The following BAZ2B variants were observed in gnomAD, a reference collection of about 807,000 sequenced individuals.
BAZ2B encodes bromodomain adjacent to zinc finger domain protein 2B.
A neutral mutation model predicts 246.0 loss-of-function variants in BAZ2B; 91 were observed. That is an observed-to-expected ratio of 0.37 (90% CI 0.31 to 0.44). The LOEUF (loss-of-function observed/expected upper bound fraction) is 0.44, where lower values mean the gene tolerates loss of function less well. BAZ2B is among the 20% of genes least tolerant of loss of function. The probability of loss-of-function intolerance (pLI) is 1.00; values close to 1 mark genes in which losing one functional copy is unlikely to be tolerated. For synonymous variants in BAZ2B, 855 were observed against 860.0 expected (o/e 0.99, Z 0.10); for missense variants, 2,332 against 2,533.7 (o/e 0.92, Z 1.71).
chr2:159,702,815 C>T, the BAZ2B span, among the ~76,000 whole-genome samples: 2 of 152,030 alleles, frequency 1.3e-5, no homozygotes, highest in Admixed American at 1.3e-4. Flanking sequence ...CCGAGGCGGG[C>T]GGATCATGAG....
At chr2:159,608,452 A>C (rs1407645323) in intron 1 of BAZ2B, among the ~76,000 whole-genome samples, 1 of 152,240 alleles carries the variant, frequency 6.6e-6, no homozygotes, top group East Asian at 1.9e-4. Context: ...TTATGTAATG[A>C]GAACCAGAAA....
chr2:159,702,463 G>A, the BAZ2B span, among the ~76,000 whole-genome samples: 1 of 152,032 alleles, frequency 6.6e-6, no homozygotes, highest in Non-Finnish European at 1.5e-5. Context: ...TTTAATTAAT[G>A]ACTCATTCTT....
chr2:159,358,699 C>T (rs898716040), intron 27 of BAZ2B, among the ~76,000 whole-genome samples: 2 of 152,060 alleles, frequency 1.3e-5, no homozygotes, highest in African/African-American at 4.8e-5. Context: ...CAAAATTGAC[C>T]ACATAATTGG....
chr2:159,523,261 G>A (rs1481411143), intron 2 of BAZ2B, among the ~76,000 whole-genome samples: 2 of 152,254 alleles, frequency 1.3e-5, no homozygotes, highest in Non-Finnish European at 2.9e-5. Context: ...AATTAGCCAG[G>A]TGTGTTGGCA....
intron 1 of BAZ2B, among the ~76,000 whole-genome samples, chr2:159,569,361 C>T (rs368242552): frequency 6.6e-6 from 1 of 152,086 alleles, no homozygotes; most frequent in East Asian, 1.9e-4. Context: ...TTTTGCAACA[C>T]GTGCAGATTC....
intron 23 of BAZ2B, among the ~76,000 whole-genome samples, chr2:159,384,077 T>G (rs186947927): frequency 6.6e-6 from 1 of 152,154 alleles, no homozygotes; most frequent in Admixed American, 6.6e-5. Flanking sequence ...TACATACATA[T>G]GCATATACAC....
chr2:159,569,787 T>C (rs1470151012), intron 1 of BAZ2B, among the ~76,000 whole-genome samples: 4 of 151,820 alleles, frequency 2.6e-5, no homozygotes, highest in Non-Finnish European at 5.9e-5. Context: ...ACCACCCCAG[T>C]GCACTCCAGC....
At chr2:159,404,705 A>T in intron 16 of BAZ2B, 144 bp downstream of exon 16, 1 of 676,740 alleles carries the variant, frequency 1.5e-6, no homozygotes, top group Non-Finnish European at 2.3e-6. Context: ...AATTTTAATT[A>T]ATAGAAGATA....
chr2:159,478,416 G>A (rs950399071), intron 3 of BAZ2B, among the ~76,000 whole-genome samples, 159 bp downstream of exon 3: 4 of 152,086 alleles, frequency 2.6e-5, no homozygotes, highest in African/African-American at 4.8e-5. Context: ...CTATCCCAGC[G>A]TAAAATCCTG....
the BAZ2B span, among the ~76,000 whole-genome samples, chr2:159,668,731 TAA>T: frequency 6.6e-6 from 1 of 152,182 alleles, no homozygotes; most frequent in African/African-American, 2.4e-5. Context: ...TCTAGCTTCT[TAA>T]AATCTCAGGT....
chr2:159,511,968 T>C (rs1030380265), intron 2 of BAZ2B, among the ~76,000 whole-genome samples: 2 of 152,154 alleles, frequency 1.3e-5, no homozygotes, highest in African/African-American at 2.4e-5. Flanking sequence ...TGAATACATC[T>C]TTTTTGTTCC....
the BAZ2B span, among the ~76,000 whole-genome samples, chr2:159,671,628 G>A: frequency 3.9e-5 from 6 of 152,076 alleles, no homozygotes; most frequent in African/African-American, 1.4e-4. Context: ...CAATGAATAC[G>A]AACTCTTTCT....
At chr2:159,671,429 T>C in the BAZ2B span, among the ~76,000 whole-genome samples, 196 of 152,338 alleles carry the variant, frequency 1.3e-3, no homozygotes, top group Non-Finnish European at 2.5e-3. Context: ...TAGAAGGTAC[T>C]ACCTCAAATA....
intron 2 of BAZ2B, among the ~76,000 whole-genome samples, chr2:159,542,086 A>G (rs1365338110): frequency 6.6e-6 from 1 of 152,230 alleles, no homozygotes; most frequent in Non-Finnish European, 1.5e-5. Context: ...GGCAGAAGAA[A>G]AGAACCAGTA....
intron 2 of BAZ2B, among the ~76,000 whole-genome samples, chr2:159,485,217 T>C (rs1331293944): frequency 6.6e-6 from 1 of 152,140 alleles, no homozygotes; most frequent in Non-Finnish European, 1.5e-5. Context: ...ATATAAAACT[T>C]CAAGATATTA....
intron 1 of BAZ2B, among the ~76,000 whole-genome samples, chr2:159,569,317 T>G (rs928874884): frequency 1.3e-5 from 2 of 152,188 alleles, no homozygotes; most frequent in African/African-American, 2.4e-5. Context: ...GATGAAACAA[T>G]GATTGTTTGG....
chr2:159,534,067 G>T lies in BAZ2B; in HGVS notation c.-3+21756C>A, dbSNP rs189757652. 6.0e-4 allele frequency among the ~76,000 whole-genome samples: 92 copies of T among 152,202 alleles called. 1 individual carries two copies. Among genetic ancestry groups the T allele is most frequent in the African/African-American group, 2.2e-3 (90 of 41,552 alleles). On this transcript the variant is annotated intron_variant, in intron 2 of 36. Transcript: ENST00000392783. Reference sequence around the variant, plus strand: ...TTCATACTGTTATTTTTTGCACAATGATTCCTCATAATTTCAAGTAAAAAC... The same window carrying T: ...TTCATACTGTTATTTTTTGCACAATTATTCCTCATAATTTCAAGTAAAAAC...
chr2:159,356,012 C>A (rs956069382), intron 27 of BAZ2B, among the ~76,000 whole-genome samples: 1 of 152,216 alleles, frequency 6.6e-6, no homozygotes, highest in South Asian at 2.1e-4. Flanking sequence ...AGATTGCCTC[C>A]GGTGCCTATG....
intron 2 of BAZ2B, among the ~76,000 whole-genome samples, chr2:159,513,578 C>A (rs2083143484): frequency 6.6e-6 from 1 of 152,192 alleles, no homozygotes; most frequent in Admixed American, 6.5e-5. Context: ...GCAACACCAT[C>A]CTTCCAGCTG....
Sources: gnomAD v4.1 joint callset for allele counts (sites outside exome capture counted in the v4.1 genomes callset) on GRCh38, gnomAD v4.1.1 for gene constraint, MANE v1.5 for transcripts, NCBI Gene and HGNC (gene_info 2026-07-23, HGNC 2026-07-21) for gene names.